The following TYMS variants were observed in gnomAD, a reference collection of about 807,000 sequenced individuals.
TYMS encodes the protein thymidylate synthase.
In TYMS, 21 loss-of-function variants were observed where a neutral mutation model predicts 39.3. That is an observed-to-expected ratio of 0.54 (90% confidence interval 0.38 to 0.77). TYMS has a LOEUF of 0.77. TYMS is among the 30% of genes least tolerant of loss of function. The pLI is 0.00. For synonymous variants in TYMS, 171 were observed against 162.2 expected (o/e 1.05, Z -0.41); for missense variants, 273 against 406.7 (o/e 0.67, Z 2.83).
intron 3 of TYMS, among the ~76,000 whole-genome samples, chr18:664,286 G>A (rs77654350): frequency 0.55 from 81,221 of 148,864 alleles, 23,834 homozygotes; most frequent in African/African-American, 0.77. Flanking sequence ...GCAATTGTGA[G>A]TGGAAGTTCA....
rs139713318 is a variant in TYMS at position 659,667 on chromosome 18, C to T, written c.232C>T (p.Arg78Cys). The change falls in exon 2 of 7, where the codon CGT (arginine) becomes TGT (cysteine). Residue 78 changes from arginine to cysteine, a missense_variant. This residue lies in a region of TYMS where 228 missense variants were observed against 326.1 expected (regional missense o/e 0.70). Coordinates refer to ENST00000323274, the MANE Select transcript of TYMS (RefSeq NM_001071.4). The stretch of plus-strand genomic sequence containing the variant: ...TGAATTCCCTCTGCTGACAACCAAA[C>T]GTGTGTTCTGGAAGGGTGTTTTGGA... ...RDEFPLLTTKRVFWKGVLEEL... is the reference protein window; with the variant it reads ...RDEFPLLTTKCVFWKGVLEEL... 14 of 1,614,042 alleles carry T rather than the reference C, an allele frequency of 8.7e-6. No homozygotes were observed. Among genetic ancestry groups the T allele is most frequent in the Non-Finnish European group, 1.2e-5 (14 of 1,180,014 alleles).
intron 6 of TYMS, 32 bp downstream of exon 6, chr18:671,483 G>C: frequency 6.4e-6 from 9 of 1,415,526 alleles, no homozygotes; most frequent in Non-Finnish European, 9.0e-6. Flanking sequence ...TTTGGGTTTG[G>C]TACCTTCTCT....
At chr18:669,904 G>T (rs1294679485) in intron 4 of TYMS, among the ~76,000 whole-genome samples, 1 of 151,956 alleles carries the variant, frequency 6.6e-6, no homozygotes, top group African/African-American at 2.4e-5. Flanking sequence ...TGAGGCTGTA[G>T]TGAGTCATGA....
intron 3 of TYMS, among the ~76,000 whole-genome samples, chr18:667,511 T>TGATGGTGATGGTGATGGA (rs1567990844): frequency 2.2e-5 from 1 of 46,034 alleles, no homozygotes; most frequent in Non-Finnish European, 3.8e-5. Flanking sequence ...ATGGTGATGG[T>TGATGGTGATGGTGATGGA]GATGGTGATG....
chr18:668,086 C>T (rs1295362332), intron 3 of TYMS, among the ~76,000 whole-genome samples: 4 of 144,104 alleles, frequency 2.8e-5, no homozygotes, highest in Non-Finnish European at 6.0e-5. Flanking sequence ...ATCCTGTATA[C>T]ATTCACATTG....
chr18:670,830 T>C lies in TYMS; in HGVS notation c.695T>C (p.Leu232Pro). 6.2e-7 allele frequency: 1 copy of C among 1,614,096 alleles called. No individual in the cohort carries two copies. The highest frequency in any genetic ancestry group is 8.5e-7 in the Non-Finnish European group (1 of 1,180,024). The change falls in exon 5 of 7, where the codon CTG becomes CCG. Residue 232 changes from leucine (L) to proline (P), a missense_variant. Transcript: ENST00000323274. ...GVPFNIASYA[L>P]LTYMIAHITG... ...CCTTTCAACATCGCCAGCTACGCCC[T>C]GCTCACGTACATGATTGCGCACATC... is the stretch of plus-strand genomic sequence containing the variant.
chr18:670,886 G>A lies in TYMS; in HGVS notation c.732+19G>A. The A allele has an allele frequency of 6.2e-7, 1 of 1,612,988 alleles. No individual in the cohort carries two copies. The highest frequency in any genetic ancestry group is 8.5e-7 in the Non-Finnish European group (1 of 1,179,354). ...CCTGAAGGTGGGCTGTCTCGGGAAGGGTGACTTGCCAGCCTACCACACTGA... is the reference window on the plus strand; with the variant it reads ...CCTGAAGGTGGGCTGTCTCGGGAAGAGTGACTTGCCAGCCTACCACACTGA... On this transcript the variant is annotated intron_variant, in intron 5 of 6. Coordinates refer to ENST00000323274, the MANE Select transcript of TYMS (RefSeq NM_001071.4).
intron 3 of TYMS, among the ~76,000 whole-genome samples, chr18:667,553 A>T (rs74708071): frequency 0.028 from 506 of 18,326 alleles, 24 homozygotes; most frequent in Middle Eastern, 0.11. Context: ...ATGGTGATGG[A>T]GATGGTGATG....
intron 3 of TYMS, among the ~76,000 whole-genome samples, chr18:664,377 G>A (rs1413101732): frequency 1.4e-5 from 2 of 147,104 alleles, no homozygotes. Flanking sequence ...TATATCCTGA[G>A]ACTTTGCTGA....
chr18:672,955 G>A lies in TYMS; in HGVS notation c.900G>A (p.Gly300=). The part of the protein sequence containing the change: ...DFKAEDFQIE[G]YNPHPTIKME... ...AAGCTGAAGACTTTCAGATTGAAGGGTACAATCCGCATCCAACTATTAAAA... is the reference window on the plus strand; with the variant it reads ...AAGCTGAAGACTTTCAGATTGAAGGATACAATCCGCATCCAACTATTAAAA... The change falls in exon 7 of 7, where the codon GGG becomes GGA. Residue 300 remains glycine, a synonymous_variant. Transcript: ENST00000323274. The A allele has an allele frequency of 6.3e-7, 1 of 1,589,476 alleles. No homozygotes were observed.
chr18:658,359 T>C lies in TYMS; in HGVS notation c.205+412T>C. On this transcript the variant is annotated intron_variant, in intron 1 of 6. Coordinates refer to ENST00000323274, the MANE Select transcript of TYMS (RefSeq NM_001071.4). The surrounding 1 kb of genome is among the most constrained non-coding windows in gnomAD (Gnocchi z 4.5). ...CTCCTCCGTTTTCCCCTGTGGACCA[T>C]TCCGCTTCGCAGCGTTTTCAAAAAC... 7.7e-7 allele frequency: 1 copy of C among 1,294,064 alleles called. No individual in the cohort carries two copies. The highest frequency in any genetic ancestry group is 1.0e-6 in the Non-Finnish European group (1 of 992,380). The allele number at this position is 1,294,064 out of a possible 1,614,324, so 80.2% of individuals were successfully genotyped here.
At chr18:670,348 T>C (rs2074982323) in intron 4 of TYMS, 1 of 209,404 alleles carries the variant, frequency 4.8e-6, no homozygotes, top group Non-Finnish European at 9.6e-6. Flanking sequence ...ACTTTTAATA[T>C]AGGAGGGTGT....
Position 660,346 on chromosome 18 carries a change from A to T in TYMS, c.279+632A>T, listed in dbSNP as rs1351951635. On this transcript the variant is annotated intron_variant, in intron 2 of 6. Transcript: ENST00000323274. This position sits in a 1 kb window ranked among gnomAD's most constrained non-coding sequence, Gnocchi z 4.6. Reference sequence around the variant, plus strand: ...AGCCTTCCTAGACCTCCTGATTTAAAACTGTGACTCTCCCCCAACCTCCTT... The same window carrying T: ...AGCCTTCCTAGACCTCCTGATTTAATACTGTGACTCTCCCCCAACCTCCTT... Among the ~76,000 whole-genome samples the T allele has an allele frequency of 6.6e-6, 1 of 152,050 alleles. No individual in the cohort carries two copies. Among genetic ancestry groups the T allele is most frequent in the Admixed American group, 6.6e-5 (1 of 15,262 alleles).
chr18:663,930 T>C (rs1401924556), intron 3 of TYMS, among the ~76,000 whole-genome samples: 1 of 106,216 alleles, frequency 9.4e-6, no homozygotes, highest in Non-Finnish European at 1.8e-5. Context: ...CCTTGTAGTA[T>C]AGTTTGAAGT....
chr18:673,183 T>C lies in TYMS; in HGVS notation c.*186T>C. On this transcript the variant is annotated 3_prime_UTR_variant, in exon 7 of 7. Coordinates refer to ENST00000323274, the MANE Select transcript of TYMS (RefSeq NM_001071.4). Reference sequence around the variant, plus strand: ...GTAACTGTGCCAGTTCTTTCCATAATAAAAGGCTTTGAGTTAACTCACTGA... The same window carrying C: ...GTAACTGTGCCAGTTCTTTCCATAACAAAAGGCTTTGAGTTAACTCACTGA... The C allele has an allele frequency of 1.8e-6, 1 of 547,294 alleles. No homozygotes were observed. Among genetic ancestry groups the C allele is most frequent in the Non-Finnish European group, 3.0e-6 (1 of 338,748 alleles). 33.9% of individuals were successfully genotyped at this position (547,294 alleles called of 1,614,324 possible).
intron 6 of TYMS, chr18:671,794 T>A: frequency 3.8e-6 from 1 of 265,610 alleles, no homozygotes; most frequent in Non-Finnish European, 7.2e-6. Flanking sequence ...TCTTTTTTTT[T>A]TGAGATGGAG....
intron 2 of TYMS, among the ~76,000 whole-genome samples, 162 bp downstream of exon 2, chr18:659,876 A>G (rs2074739081): frequency 1.3e-5 from 2 of 152,192 alleles, no homozygotes; most frequent in Non-Finnish European, 2.9e-5. Context: ...ATTTGAGACC[A>G]GCCTGGCCAA....
rs761487013 is a variant in TYMS at position 669,144 on chromosome 18, G to T, written c.527G>T (p.Arg176Ile). ...DTIKTNPDDR[R>I]IIMCAWNPRD... ...ATCAAAACCAACCCTGACGACAGAA[G>T]AATCATCATGTGCGCTTGGAATCCA... Residue 176 changes from arginine (R) to isoleucine (I), a missense_variant, in exon 4 of 7, where the codon AGA (arginine) becomes ATA (isoleucine). Around this residue, in one of 3 missense-constraint regions of TYMS, gnomAD observed 228 missense variants for 326.1 expected, o/e 0.70. Transcript: ENST00000323274. 3.5e-5 allele frequency: 57 copies of T among 1,614,046 alleles called. No individual in the cohort carries two copies. The highest frequency in any genetic ancestry group is 4.7e-5 in the Non-Finnish European group (55 of 1,180,028).
Position 657,724 on chromosome 18 carries a change from G to T in TYMS, c.-19G>T. On this transcript the variant is annotated 5_prime_UTR_variant, in exon 1 of 7. Coordinates refer to ENST00000323274, the MANE Select transcript of TYMS (RefSeq NM_001071.4). Reference sequence around the variant, plus strand: ...CCGCCGCGCCACTTCGCCTGCCTCCGTCCCCCGCCCGCCGCGCCATGCCTG... The same window carrying T: ...CCGCCGCGCCACTTCGCCTGCCTCCTTCCCCCGCCCGCCGCGCCATGCCTG... The T allele has an allele frequency of 1.5e-6, 2 of 1,333,820 alleles. No homozygotes were observed. Among genetic ancestry groups the T allele is most frequent in the Non-Finnish European group, 9.5e-7 (1 of 1,049,690 alleles). 82.6% of individuals were successfully genotyped at this position (1,333,820 alleles called of 1,614,324 possible). A position where few individuals can be genotyped will look rare whatever the true frequency, so the allele number is the denominator to read the frequency against.
Sources: gnomAD v4.1 joint callset for allele counts (sites outside exome capture counted in the v4.1 genomes callset) on GRCh38, gnomAD v4.1.1 for gene constraint, gnomAD v4.1.1 regional missense constraint, Gnocchi (gnomAD v3.1) non-coding constraint, MANE v1.5 for transcripts, NCBI Gene and HGNC (gene_info 2026-07-23, HGNC 2026-07-21) for gene names.